Variants in TLE1 observed in about 807,000 individuals in gnomAD.
TLE1 encodes transducin-like enhancer protein 1.
TLE1 carries 21 observed loss-of-function variants against 89.8 expected under a neutral mutation model. The observed-to-expected ratio is 0.23, with a 90% confidence interval of 0.17 to 0.34. TLE1 has a LOEUF of 0.34. Ranked by LOEUF, TLE1 falls within the 10% of genes least tolerant of loss-of-function variation. TLE1 has a pLI of 1.00. For synonymous variants in TLE1, 447 were observed against 407.6 expected (o/e 1.10, Z -1.16); for missense variants, 795 against 1,031.2 (o/e 0.77, Z 3.14).
intron 4 of TLE1, among the ~76,000 whole-genome samples, chr9:81,667,386 A>G (rs1232031882): frequency 2.2e-5 from 1 of 44,674 alleles, no homozygotes; most frequent in Non-Finnish European, 6.0e-5. Context: ...AGACTGTCTC[A>G]AAAAAAAAAA....
chr9:81,585,644 C>T lies in TLE1; in HGVS notation c.1989G>A (p.Leu663=). The change falls in exon 18 of 20, where the codon CTG becomes CTA. Residue 663 remains leucine, a synonymous_variant. Transcript: ENST00000376499. ...QHDFTSQIFS[L]GYCPTGEWLA... Reference sequence around the variant, plus strand: ...GCCACTCCCCGGTGGGGCAGTACCCCAGGGAGAAGATCTACAAGGAGCAAG... The same window carrying T: ...GCCACTCCCCGGTGGGGCAGTACCCTAGGGAGAAGATCTACAAGGAGCAAG... 1 of 1,613,994 alleles carries T rather than the reference C, an allele frequency of 6.2e-7. No individual in the cohort carries two copies. The highest frequency in any genetic ancestry group is 8.5e-7 in the Non-Finnish European group (1 of 1,179,986).
chr9:81,681,985 C>A (rs982981870), intron 4 of TLE1, among the ~76,000 whole-genome samples: 2 of 152,080 alleles, frequency 1.3e-5, no homozygotes, highest in African/African-American at 4.8e-5. Flanking sequence ...GTAGCTCATG[C>A]CTGTAATCCT....
intron 17 of TLE1, 56 bp downstream of exon 17, chr9:81,587,625 A>G: frequency 6.5e-7 from 1 of 1,543,412 alleles, no homozygotes; most frequent in South Asian, 1.2e-5. Context: ...TGTGAGGAGG[A>G]AGACACACCC....
chr9:81,688,066 C>A (rs945091955), intron 1 of TLE1, 151 bp downstream of exon 1: 4 of 941,128 alleles, frequency 4.3e-6, no homozygotes, highest in African/African-American at 1.7e-5. Flanking sequence ...ACTCCCCACC[C>A]CAGGAAGAGA....
chr9:81,603,950 C>T (rs1408550701), intron 14 of TLE1, among the ~76,000 whole-genome samples: 1 of 151,968 alleles, frequency 6.6e-6, no homozygotes, highest in African/African-American at 2.4e-5. Flanking sequence ...TGCAGTGAGC[C>T]GAGATTGGGC....
At position 81,603,144 on chromosome 9, in the gene TLE1, T is replaced by C. The variant is rs576594583; in HGVS notation, c.1331+7076A>G. ...CCTAGAGGTTCAGCCCCTTCCCCTA[T>C]TGGGTTAGTGCAGCTCTGAAAACCC... On this transcript the variant is annotated intron_variant, in intron 14 of 19. Coordinates refer to ENST00000376499, the MANE Select transcript of TLE1 (RefSeq NM_005077.5). Among the ~76,000 whole-genome samples, 3 of 152,306 alleles carry C rather than the reference T, an allele frequency of 2.0e-5. No individual in the cohort carries two copies. The East Asian group carries it at 5.8e-4, about 29-fold the overall frequency.
intron 1 of TLE1, 85 bp from the exon 2 acceptor site, chr9:81,687,519 G>A (rs1229719931): frequency 2.0e-6 from 2 of 1,021,792 alleles, no homozygotes; most frequent in Non-Finnish European, 3.0e-6. Context: ...AAGAACGGGT[G>A]GGACATAAAC....
chr9:81,642,689 G>A (rs143149706), intron 6 of TLE1, among the ~76,000 whole-genome samples: 6 of 124,878 alleles, frequency 4.8e-5, no homozygotes, highest in East Asian at 4.6e-4. Flanking sequence ...GTGAGACTCC[G>A]TCTCAAAAAA....
Position 81,633,372 on chromosome 9 carries a change from C to T in TLE1, c.578-8G>A, listed in dbSNP as rs369838499. 1.4e-5 allele frequency: 22 copies of T among 1,613,074 alleles called. No homozygotes were observed. Among genetic ancestry groups the T allele is most frequent in the African/African-American group, 6.7e-5 (5 of 74,700 alleles). ...CTGTGCCCGGCTCTCTGTCTGCTCCCGAGGTTACCAAGAAACGCACAGACA... is the reference window on the plus strand; with the variant it reads ...CTGTGCCCGGCTCTCTGTCTGCTCCTGAGGTTACCAAGAAACGCACAGACA... On this transcript the variant is annotated splice_polypyrimidine_tract_variant and splice_region_variant and intron_variant, in intron 7 of 19. Coordinates refer to ENST00000376499, the MANE Select transcript of TLE1 (RefSeq NM_005077.5).
intron 6 of TLE1, among the ~76,000 whole-genome samples, chr9:81,635,855 T>C (rs1054387930): frequency 2.6e-5 from 4 of 152,130 alleles, no homozygotes; most frequent in African/African-American, 9.7e-5. Context: ...GCACTCCAAC[T>C]TTTCTAAAAA....
chr9:81,672,830 C>T (rs1007166316), intron 4 of TLE1, among the ~76,000 whole-genome samples: 1 of 152,096 alleles, frequency 6.6e-6, no homozygotes, highest in African/African-American at 2.4e-5. Context: ...ATAGAATGAA[C>T]CAAATCCTTT....
At chr9:81,650,732 G>C (rs1040231491) in intron 6 of TLE1, among the ~76,000 whole-genome samples, 2 of 152,068 alleles carry the variant, frequency 1.3e-5, no homozygotes, top group African/African-American at 4.8e-5. Flanking sequence ...GCAGTGCCTG[G>C]ATCTGGGGGG....
chr9:81,603,853 T>C (rs990685376), intron 14 of TLE1, among the ~76,000 whole-genome samples: 2 of 152,062 alleles, frequency 1.3e-5, no homozygotes, highest in Non-Finnish European at 1.5e-5. Context: ...AACACAAAAA[T>C]TAGCCGGACA....
chr9:81,615,587 C>A (rs1489391149), intron 11 of TLE1, among the ~76,000 whole-genome samples: 1 of 150,496 alleles, frequency 6.6e-6, no homozygotes, highest in African/African-American at 2.4e-5. Flanking sequence ...GTCGCGCGCG[C>A]CTGTAATCCC....
At chr9:81,589,619 G>C (rs1336587413) in intron 16 of TLE1, among the ~76,000 whole-genome samples, 1 of 152,188 alleles carries the variant, frequency 6.6e-6, no homozygotes. Flanking sequence ...CCTGAAGCCA[G>C]TAACTTACCC....
intron 4 of TLE1, among the ~76,000 whole-genome samples, chr9:81,677,911 A>T (rs1468249888): frequency 6.6e-6 from 1 of 152,220 alleles, no homozygotes; most frequent in Non-Finnish European, 1.5e-5. Context: ...TATCTAGCAT[A>T]CTTAATTTTT....
chr9:81,599,970 A>G (rs1197478520), intron 14 of TLE1: 1 of 572,618 alleles, frequency 1.7e-6, no homozygotes, highest in Non-Finnish European at 3.2e-6. Flanking sequence ...ACAAGCAAAG[A>G]AAACAAGAAA....
chr9:81,671,112 G>C (rs1480840618), intron 4 of TLE1, among the ~76,000 whole-genome samples: 3 of 152,168 alleles, frequency 2.0e-5, no homozygotes, highest in African/African-American at 7.2e-5. Context: ...TGACTGCGGT[G>C]AACTGAGATC....
At position 81,590,966 on chromosome 9, in the gene TLE1, A is replaced by C. The variant is rs1180834494; in HGVS notation, c.1668T>G (p.Ile556Met). 21 of 1,614,120 alleles carry C rather than the reference A, an allele frequency of 1.3e-5. No individual in the cohort carries two copies. The highest frequency in any genetic ancestry group is 1.7e-5 in the Admixed American group (1 of 60,012). The stretch of plus-strand genomic sequence containing the variant: ...GCGGGGTTGGAGCCGCCAGGTCCCA[A>C]ATGGACAAAGTACTGGCTTCCCCTC... ...IVGGEASTLSIWDLAAPTPRI... is the reference protein window; with the variant it reads ...IVGGEASTLSMWDLAAPTPRI... Residue 556 changes from isoleucine to methionine, a missense_variant, in exon 16 of 20, where the codon ATT becomes ATG. By Grantham distance (10) the Ile-to-Met change is conservative. This residue lies in a region of TLE1 where 214 missense variants were observed against 354.9 expected (regional missense o/e 0.60). Coordinates refer to ENST00000376499, the MANE Select transcript of TLE1 (RefSeq NM_005077.5).
Sources: allele counts gnomAD v4.1 joint callset (sites outside exome capture counted in the v4.1 genomes callset), GRCh38; gene constraint gnomAD v4.1.1; regional missense constraint gnomAD v4.1.1; transcripts MANE v1.5; gene names NCBI Gene and HGNC (gene_info 2026-07-23, HGNC 2026-07-21).